GRIN2B: variants seen among roughly 807,000 people sequenced by gnomAD.
GRIN2B encodes the protein glutamate ionotropic receptor NMDA type subunit 2B, also known as glutamate receptor ionotropic, NMDA 2B.
Under a neutral mutation model 114.5 loss-of-function variants are expected in GRIN2B, and 5 were observed. The ratio of observed to expected loss-of-function variants is 0.04; its 90% CI spans 0.02 to 0.09. The LOEUF (loss-of-function observed/expected upper bound fraction) is 0.09. Among genes scored for constraint, GRIN2B ranks in the 10% least tolerant of loss-of-function variants. The pLI, the probability that GRIN2B is intolerant of heterozygous loss-of-function variation, is 1.00. For missense variants in GRIN2B, 1,108 were observed against 1,943.5 expected (o/e 0.57, Z 8.08); for synonymous variants, 787 against 745.1 (o/e 1.06, Z -0.92).
chr12:13,964,954 G>T (rs1427046363), intron 2 of GRIN2B, among the ~76,000 whole-genome samples: 1 of 152,146 alleles, frequency 6.6e-6, no homozygotes, highest in African/African-American at 2.4e-5. Context: ...TGTTAATATA[G>T]GTTGGGTCCA....
At chr12:13,978,593 A>G (rs568648340) in intron 2 of GRIN2B, among the ~76,000 whole-genome samples, 3 of 150,906 alleles carry the variant, frequency 2.0e-5, no homozygotes, top group East Asian at 1.9e-4. Context: ...AAAATGCCAG[A>G]AAAAAAAATT....
At chr12:13,567,471 T>C (rs898467628) in intron 12 of GRIN2B, among the ~76,000 whole-genome samples, 78 of 152,322 alleles carry the variant, frequency 5.1e-4, no homozygotes, top group African/African-American at 1.8e-3. Flanking sequence ...TTAGTAAGCA[T>C]TCAATAAAAA....
intron 2 of GRIN2B, among the ~76,000 whole-genome samples, chr12:13,974,411 C>T (rs1862980731): frequency 2.0e-5 from 3 of 152,184 alleles, no homozygotes; most frequent in Admixed American, 1.3e-4. Context: ...TGGCTTTATT[C>T]TCTAACCTTG....
In GRIN2B at chr12:13,639,444, C is replaced by T. The variant is rs545373304; in HGVS notation, c.1126-22787G>A. On this transcript the variant is annotated intron_variant, in intron 5 of 13. Transcript: ENST00000609686. ...TCCCTGTGTTAATAGCTTTTTCATA[C>T]CCGAAGACCATTAATAGGTCACTTC... is the stretch of plus-strand genomic sequence containing the variant. 2.0e-5 allele frequency among the ~76,000 whole-genome samples: 3 copies of T among 152,292 alleles called. No individual in the cohort carries two copies. The South Asian group carries it at 6.2e-4, about 32-fold the overall frequency.
At position 13,542,934 on chromosome 12, in the gene GRIN2B, C is replaced by T. The variant is rs1037821220; in HGVS notation, c.*19849G>A. 1 of 151,960 alleles carries T rather than the reference C, an allele frequency of 6.6e-6. No homozygotes were observed. Among genetic ancestry groups the T allele is most frequent in the African/African-American group, 2.4e-5 (1 of 41,390 alleles). The allele number at this position is 151,960 out of a possible 1,614,324, so 9.4% of individuals were successfully genotyped here. A position where few individuals can be genotyped will look rare whatever the true frequency, so the allele number is the denominator to read the frequency against. On this transcript the variant is annotated 3_prime_UTR_variant, in exon 14 of 14. Transcript: ENST00000609686. Reference sequence around the variant, plus strand: ...AGATGCCCTTCTTGCCCCTCATTGCCATTCCAGACCATCCTCCCTCCTTTT... The same window carrying T: ...AGATGCCCTTCTTGCCCCTCATTGCTATTCCAGACCATCCTCCCTCCTTTT...
chr12:13,867,196 C>G (rs1387603226), intron 2 of GRIN2B, among the ~76,000 whole-genome samples: 3 of 152,122 alleles, frequency 2.0e-5, no homozygotes, highest in Non-Finnish European at 4.4e-5. Context: ...TGATGCCATC[C>G]TATAGTCGTG....
intron 10 of GRIN2B, among the ~76,000 whole-genome samples, chr12:13,579,757 G>T (rs17220306): frequency 0.058 from 8,798 of 151,992 alleles, 328 homozygotes; most frequent in East Asian, 0.13. Flanking sequence ...GAGGGTATGG[G>T]TGCTACAGTC....
chr12:13,943,754 C>T (rs1867308674), intron 2 of GRIN2B, among the ~76,000 whole-genome samples: 1 of 152,204 alleles, frequency 6.6e-6, no homozygotes, highest in African/African-American at 2.4e-5. Flanking sequence ...TTCCTGGCCC[C>T]TCTACCTAAA....
chr12:13,664,398 A>G (rs1949955191), intron 5 of GRIN2B, among the ~76,000 whole-genome samples: 2 of 152,196 alleles, frequency 1.3e-5, no homozygotes, highest in Admixed American at 1.3e-4. Context: ...CAATTTTGCC[A>G]CATCTGTATA....
intron 3 of GRIN2B, among the ~76,000 whole-genome samples, chr12:13,859,518 A>G (rs1448551407): frequency 6.6e-6 from 1 of 152,186 alleles, no homozygotes; most frequent in Non-Finnish European, 1.5e-5. Flanking sequence ...TGCCTTAGAG[A>G]GCACTGCCTA....
At chr12:13,673,294 CAG>C (rs1220039323) in intron 5 of GRIN2B, among the ~76,000 whole-genome samples, 1 of 152,218 alleles carries the variant, frequency 6.6e-6, no homozygotes, top group East Asian at 1.9e-4. Context: ...GGCACATTCT[CAG>C]AACAAGAAGA....
chr12:13,815,405 G>C (rs1864801920), intron 3 of GRIN2B, among the ~76,000 whole-genome samples: 1 of 151,892 alleles, frequency 6.6e-6, no homozygotes, highest in African/African-American at 2.4e-5. Flanking sequence ...AGGAACTTCT[G>C]ACACCGTAAC....
chr12:13,621,479 ACAT>A (rs1949512892), intron 5 of GRIN2B, among the ~76,000 whole-genome samples: 1 of 152,066 alleles, frequency 6.6e-6, no homozygotes, highest in African/African-American at 2.4e-5. Flanking sequence ...AACTAAACAA[ACAT>A]CATTACCATA....
At chr12:13,730,271 G>T (rs1863065015) in intron 4 of GRIN2B, among the ~76,000 whole-genome samples, 1 of 152,100 alleles carries the variant, frequency 6.6e-6, no homozygotes, top group South Asian at 2.1e-4. Flanking sequence ...AATTTTTAAT[G>T]ATTACACTTT....
intron 10 of GRIN2B, among the ~76,000 whole-genome samples, chr12:13,593,054 A>G (rs960353533): frequency 1.3e-5 from 2 of 152,200 alleles, no homozygotes; most frequent in African/African-American, 4.8e-5. Context: ...CTGAACCACT[A>G]ATTTTTCAGA....
chr12:13,969,578 C>T (rs1024252096), intron 2 of GRIN2B, among the ~76,000 whole-genome samples: 1 of 152,174 alleles, frequency 6.6e-6, no homozygotes, highest in South Asian at 2.1e-4. Context: ...CAAGGCAATT[C>T]CTCATAGATA....
intron 2 of GRIN2B, among the ~76,000 whole-genome samples, chr12:13,913,030 C>T (rs1451922979): frequency 6.6e-6 from 1 of 152,050 alleles, no homozygotes; most frequent in Non-Finnish European, 1.5e-5. Flanking sequence ...GACTGAGCTC[C>T]CCAAGCATGC....
chr12:13,608,989 C>G (rs1282058058), intron 9 of GRIN2B, among the ~76,000 whole-genome samples, 157 bp from the exon 10 acceptor site: 9 of 134,252 alleles, frequency 6.7e-5, no homozygotes, highest in Non-Finnish European at 1.7e-5. Context: ...GAGTGTGTAT[C>G]TCTCTTTTCC....
intron 2 of GRIN2B, among the ~76,000 whole-genome samples, chr12:13,929,719 C>A (rs1866988084): frequency 6.6e-6 from 1 of 152,126 alleles, no homozygotes; most frequent in South Asian, 2.1e-4. Context: ...CTGAGCTTTA[C>A]CATTTACAAG....
Sources: gnomAD v4.1 joint callset for allele counts (sites outside exome capture counted in the v4.1 genomes callset) on GRCh38, gnomAD v4.1.1 for gene constraint, MANE v1.5 for transcripts, NCBI Gene and HGNC (gene_info 2026-07-23, HGNC 2026-07-21) for gene names.